Variants in PLEKHA5 observed in about 807,000 individuals in gnomAD.
PLEKHA5 encodes pleckstrin homology domain containing A5, also known as pleckstrin homology domain-containing family A member 5.
A neutral mutation model predicts 181.9 loss-of-function variants in PLEKHA5; 55 were observed. The observed-to-expected ratio is 0.30, with a 90% CI of 0.24 to 0.38. The LOEUF is 0.38. Ranked by LOEUF, PLEKHA5 falls within the 10% of genes least tolerant of loss-of-function variation. PLEKHA5 has a pLI of 1.00. For missense variants in PLEKHA5, 1,432 were observed against 1,549.5 expected (o/e 0.92, Z 1.27); for synonymous variants, 535 against 529.4 (o/e 1.01, Z -0.15).
intron 21 of PLEKHA5, among the ~76,000 whole-genome samples, chr12:19,337,984 C>T (rs11044502): frequency 0.76 from 114,057 of 149,902 alleles, 46,049 homozygotes; most frequent in Non-Finnish European, 0.92. Context: ...GGAGCCAAGA[C>T]CACTCCATTG....
chr12:19,218,151 A>G (rs2058303924), intron 3 of PLEKHA5, among the ~76,000 whole-genome samples: 1 of 152,170 alleles, frequency 6.6e-6, no homozygotes, highest in South Asian at 2.1e-4. Flanking sequence ...GCTTAAGAAT[A>G]GTTGAAAAAT....
chr12:19,246,960 GT>G (rs965795401), intron 3 of PLEKHA5, among the ~76,000 whole-genome samples: 4 of 151,042 alleles, frequency 2.6e-5, no homozygotes, highest in Admixed American at 6.7e-5. Context: ...TAACAAACAA[GT>G]TTTTTTTCTA....
At chr12:19,263,413 T>G (rs2069183780) in intron 7 of PLEKHA5, among the ~76,000 whole-genome samples, 1 of 152,222 alleles carries the variant, frequency 6.6e-6, no homozygotes. Flanking sequence ...TCTATTCTCT[T>G]AATCACGAGT....
At chr12:19,241,531 C>T (rs984609489) in intron 3 of PLEKHA5, among the ~76,000 whole-genome samples, 23 of 152,074 alleles carry the variant, frequency 1.5e-4, no homozygotes, top group African/African-American at 4.3e-4. Flanking sequence ...CCGAGGCGGG[C>T]GGATCACTTG....
chr12:19,322,587 A>T lies in PLEKHA5; in HGVS notation c.2368A>T (p.Ile790Phe), dbSNP rs565249800. 6.5e-5 allele frequency: 105 copies of T among 1,613,976 alleles called. 1 individual carries two copies. In the South Asian group the frequency reaches 1.1e-3, roughly 17 times the overall value. ...IEMHADNPAAIQTVVLQRDDL... is the reference protein window; with the variant it reads ...IEMHADNPAAFQTVVLQRDDL... ...AATGCATGCAGATAACCCAGCAGCC[A>T]TTCAGACAGTGGTGTTACAAAGGGA... Residue 790 changes from isoleucine (I) to phenylalanine (F), a missense_variant, in exon 20 of 32, where the codon ATT becomes TTT. Coordinates refer to ENST00000429027, the MANE Select transcript of PLEKHA5 (RefSeq NM_001256470.2).
intron 31 of PLEKHA5, among the ~76,000 whole-genome samples, chr12:19,370,084 G>A (rs572574093): frequency 6.6e-6 from 1 of 152,248 alleles, no homozygotes; most frequent in Non-Finnish European, 1.5e-5. Context: ...GTGTTGTGCA[G>A]CTGTGCTTCT....
At chr12:19,286,035 A>G (rs1339638541) in intron 12 of PLEKHA5, among the ~76,000 whole-genome samples, 1 of 152,238 alleles carries the variant, frequency 6.6e-6, no homozygotes, top group African/African-American at 2.4e-5. Context: ...AAAACAACTG[A>G]CAGTATTTGT....
chr12:19,261,965 C>T (rs2068639327), intron 7 of PLEKHA5, among the ~76,000 whole-genome samples: 1 of 152,142 alleles, frequency 6.6e-6, no homozygotes, highest in Non-Finnish European at 1.5e-5. Flanking sequence ...TCAGAATTAA[C>T]CAACCGTATA....
At chr12:19,165,296 A>G (rs1194719117) in intron 3 of PLEKHA5, among the ~76,000 whole-genome samples, 2 of 152,194 alleles carry the variant, frequency 1.3e-5, no homozygotes, top group East Asian at 1.9e-4. Context: ...CACACTGTCT[A>G]TCCCATGATC....
chr12:19,248,006 C>G (rs1315795283), intron 3 of PLEKHA5, among the ~76,000 whole-genome samples: 1 of 151,986 alleles, frequency 6.6e-6, no homozygotes, highest in South Asian at 2.1e-4. Context: ...TCATAGCTCA[C>G]TGCAGCCTCA....
intron 31 of PLEKHA5, among the ~76,000 whole-genome samples, chr12:19,375,290 C>T (rs1230918905): frequency 6.6e-6 from 1 of 152,014 alleles, no homozygotes; most frequent in Non-Finnish European, 1.5e-5. Flanking sequence ...TACCACTGCA[C>T]CCCAGCCTAG....
chr12:19,133,717 T>C (rs928868940), intron 3 of PLEKHA5, among the ~76,000 whole-genome samples: 3 of 151,970 alleles, frequency 2.0e-5, no homozygotes, highest in Non-Finnish European at 4.4e-5. Context: ...AAGCAGAAGA[T>C]ACAGGAATGG....
chr12:19,310,789 T>G (rs1367038622), intron 15 of PLEKHA5, among the ~76,000 whole-genome samples: 2 of 151,932 alleles, frequency 1.3e-5, no homozygotes, highest in Non-Finnish European at 1.5e-5. Flanking sequence ...TGTTTTTTTG[T>G]TTTTTTGGTT....
At chr12:19,207,638 G>A (rs901397406) in intron 3 of PLEKHA5, 6 of 152,150 alleles carry the variant, frequency 3.9e-5, no homozygotes, top group Non-Finnish European at 8.8e-5. Context: ...GTTCATAGCA[G>A]AACTTCTTGC....
intron 10 of PLEKHA5, among the ~76,000 whole-genome samples, chr12:19,271,767 C>T (rs555840546): frequency 2.0e-5 from 3 of 152,232 alleles, no homozygotes; most frequent in East Asian, 3.9e-4. Context: ...TGATAGTTCA[C>T]TAGTTAGGTG....
chr12:19,196,815 T>A (rs1227189948), intron 3 of PLEKHA5, among the ~76,000 whole-genome samples: 2 of 17,312 alleles, frequency 1.2e-4, no homozygotes, highest in African/African-American at 1.5e-4. Context: ...TTTTTTTCTT[T>A]TTTTTTTTTT....
At chr12:19,234,188 CT>C (rs2061054911) in intron 3 of PLEKHA5, among the ~76,000 whole-genome samples, 1 of 152,168 alleles carries the variant, frequency 6.6e-6, no homozygotes, top group Non-Finnish European at 1.5e-5. Flanking sequence ...CTGAAATCGC[CT>C]CTTGAAACAG....
At chr12:19,263,791 G>C (rs1397089731) in intron 7 of PLEKHA5, among the ~76,000 whole-genome samples, 1 of 152,132 alleles carries the variant, frequency 6.6e-6, no homozygotes, top group Non-Finnish European at 1.5e-5. Context: ...GGAACCATCA[G>C]CTGTGGCAAA....
chr12:19,315,886 A>G (rs2088468841), intron 16 of PLEKHA5, among the ~76,000 whole-genome samples: 1 of 152,140 alleles, frequency 6.6e-6, no homozygotes, highest in Non-Finnish European at 1.5e-5. Flanking sequence ...GGTGACTTAT[A>G]TTTCAGCACA....
Sources: gnomAD v4.1 joint callset for allele counts (sites outside exome capture counted in the v4.1 genomes callset) on GRCh38, gnomAD v4.1.1 for gene constraint, MANE v1.5 for transcripts, NCBI Gene and HGNC (gene_info 2026-07-23, HGNC 2026-07-21) for gene names.